Variants in ARNT2 observed in about 807,000 individuals in gnomAD.
ARNT2 encodes aryl hydrocarbon receptor nuclear translocator 2, also known as ARNT protein 2.
A neutral mutation model predicts 91.7 loss-of-function variants in ARNT2; 36 were observed. The observed-to-expected ratio is 0.39, with a 90% CI of 0.30 to 0.52. The LOEUF is 0.52. Among genes scored for constraint, ARNT2 ranks in the 20% least tolerant of loss-of-function variants. The pLI is 0.72. For missense variants in ARNT2, 775 were observed against 939.3 expected (o/e 0.83, Z 2.29); for synonymous variants, 365 against 347.1 (o/e 1.05, Z -0.57).
At chr15:80,438,168 A>T (rs1253539661) in intron 1 of ARNT2, among the ~76,000 whole-genome samples, 1 of 152,200 alleles carries the variant, frequency 6.6e-6, no homozygotes, top group Non-Finnish European at 1.5e-5. Flanking sequence ...TGTAAAGTTA[A>T]ACTCTAAGTC....
intron 1 of ARNT2, among the ~76,000 whole-genome samples, chr15:80,437,458 G>A (rs1223954303): frequency 6.6e-6 from 1 of 152,006 alleles, no homozygotes; most frequent in Non-Finnish European, 1.5e-5. Context: ...ATTTACTACT[G>A]TACTAATCAG....
chr15:80,566,537 G>A (rs1341912072), intron 12 of ARNT2, among the ~76,000 whole-genome samples: 1 of 152,154 alleles, frequency 6.6e-6, no homozygotes, highest in Non-Finnish European at 1.5e-5. Flanking sequence ...TGATCTCGGA[G>A]AATCCCTGTC....
In ARNT2 at chr15:80,584,879, C is replaced by T. The variant is rs140684342; in HGVS notation, c.1918+3475C>T. Among the ~76,000 whole-genome samples, 94 of 152,368 alleles carry T rather than the reference C, an allele frequency of 6.2e-4. 3 individuals carry two copies. Among genetic ancestry groups the T allele is most frequent in the Middle Eastern group, 3.4e-3 (1 of 292 alleles). ...TGGAGCAGGCAGGGGATTTGGAATG[C>T]CTGCTGAGCAGACTTGCCGGACGTC... On this transcript the variant is annotated intron_variant, in intron 17 of 18. Transcript: ENST00000303329.
At chr15:80,514,066 T>G in intron 7 of ARNT2, 90 bp downstream of exon 7, 1 of 1,318,744 alleles carries the variant, frequency 7.6e-7, no homozygotes, top group Non-Finnish European at 1.1e-6. Flanking sequence ...AAGAAGGGGC[T>G]TAGTGTGGTG....
At chr15:80,557,503 T>C (rs148520318) in intron 11 of ARNT2, among the ~76,000 whole-genome samples, 197 of 152,190 alleles carry the variant, frequency 1.3e-3, no homozygotes, top group Admixed American at 3.8e-3. Flanking sequence ...AACTATTGGG[T>C]ACTGGCCTTA....
intron 8 of ARNT2, among the ~76,000 whole-genome samples, chr15:80,530,389 A>G (rs892609489): frequency 6.6e-5 from 10 of 152,152 alleles, no homozygotes; most frequent in African/African-American, 9.7e-5. Context: ...AGGGAGGGAT[A>G]GAGATCTGCT....
chr15:80,562,917 G>C (rs1364851943), intron 11 of ARNT2, 171 bp from the exon 12 acceptor site: 3 of 725,144 alleles, frequency 4.1e-6, no homozygotes, highest in Non-Finnish European at 7.3e-6. Flanking sequence ...GGTAGACGGA[G>C]GAGTTCCCAT....
At chr15:80,569,986 G>A (rs1233411519) in intron 12 of ARNT2, among the ~76,000 whole-genome samples, 2 of 152,234 alleles carry the variant, frequency 1.3e-5, no homozygotes, top group African/African-American at 4.8e-5. Context: ...CCCCACAAAA[G>A]TCCCAAGGAA....
At chr15:80,525,446 G>C (rs956428388) in intron 8 of ARNT2, among the ~76,000 whole-genome samples, 1 of 152,008 alleles carries the variant, frequency 6.6e-6, no homozygotes, top group Non-Finnish European at 1.5e-5. Context: ...GGCATGCTTT[G>C]TTCATCATCT....
At chr15:80,582,993 G>A (rs962927146) in intron 17 of ARNT2, among the ~76,000 whole-genome samples, 5 of 152,134 alleles carry the variant, frequency 3.3e-5, no homozygotes, top group South Asian at 2.1e-4. Context: ...AGTCCTTCCC[G>A]GAAGCCCAGG....
chr15:80,496,956 G>C (rs1897132534), intron 5 of ARNT2, among the ~76,000 whole-genome samples: 1 of 152,178 alleles, frequency 6.6e-6, no homozygotes, highest in South Asian at 2.1e-4. Context: ...GGACACCAGT[G>C]TATGTATGCG....
intron 13 of ARNT2, 72 bp downstream of exon 13, chr15:80,574,292 CT>C (rs1266825059): frequency 6.9e-7 from 1 of 1,456,318 alleles, no homozygotes; most frequent in Non-Finnish European, 9.6e-7. Context: ...CAATTCAGCC[CT>C]GAGCTTGAGC....
chr15:80,405,166 T>C (rs1254624806), intron 1 of ARNT2, among the ~76,000 whole-genome samples: 1 of 152,244 alleles, frequency 6.6e-6, no homozygotes, highest in East Asian at 1.9e-4. Flanking sequence ...TGGTCTGACC[T>C]GTCCCCAGGG....
At chr15:80,455,670 AT>A (rs1418505382) in intron 2 of ARNT2, among the ~76,000 whole-genome samples, 6 of 152,116 alleles carry the variant, frequency 3.9e-5, no homozygotes, top group Admixed American at 3.3e-4. Flanking sequence ...CTCCACTCCT[AT>A]ACTGAGAAAA....
At chr15:80,466,957 A>G (rs1275847336) in intron 3 of ARNT2, among the ~76,000 whole-genome samples, 2 of 152,200 alleles carry the variant, frequency 1.3e-5, no homozygotes, top group Admixed American at 1.3e-4. Flanking sequence ...AAGATTCCCC[A>G]TATGAAGATT....
At chr15:80,427,931 ACTCCAG>A in intron 1 of ARNT2, among the ~76,000 whole-genome samples, 2 of 151,848 alleles carry the variant, frequency 1.3e-5, no homozygotes, top group African/African-American at 4.8e-5. Context: ...CTTTGGCCTG[ACTCCAG>A]CTCTGAAGGG....
intron 1 of ARNT2, among the ~76,000 whole-genome samples, chr15:80,410,207 C>G (rs1223845388): frequency 6.6e-6 from 1 of 152,148 alleles, no homozygotes; most frequent in Non-Finnish European, 1.5e-5. Context: ...TTGAGTTATA[C>G]TGGGGGCAGG....
intron 15 of ARNT2, among the ~76,000 whole-genome samples, chr15:80,578,950 G>A (rs1386168158): frequency 6.6e-6 from 1 of 152,202 alleles, no homozygotes; most frequent in Non-Finnish European, 1.5e-5. Flanking sequence ...TGGGCCGCTT[G>A]CAGAATGGTG....
intron 1 of ARNT2, among the ~76,000 whole-genome samples, chr15:80,431,523 G>A (rs1380439045): frequency 6.6e-6 from 1 of 152,158 alleles, no homozygotes; most frequent in Non-Finnish European, 1.5e-5. Flanking sequence ...AGCCTGTCCT[G>A]TCTCCAAGTC....
Sources: allele counts gnomAD v4.1 joint callset (sites outside exome capture counted in the v4.1 genomes callset), GRCh38; gene constraint gnomAD v4.1.1; transcripts MANE v1.5; gene names NCBI Gene and HGNC (gene_info 2026-07-23, HGNC 2026-07-21).